ATP2C1: variants seen among roughly 807,000 people sequenced by gnomAD.
The protein encoded by ATP2C1 is calcium-transporting ATPase type 2C member 1.
Under a neutral mutation model 120.5 loss-of-function variants are expected in ATP2C1, and 31 were observed. That is an observed-to-expected ratio of 0.26 (90% CI 0.19 to 0.35). The LOEUF is 0.35. Ranked by LOEUF, ATP2C1 falls within the 10% of genes least tolerant of loss-of-function variation. The pLI is 1.00. For missense variants in ATP2C1, 731 were observed against 1,107.5 expected (o/e 0.66, Z 4.83); for synonymous variants, 351 against 358.7 (o/e 0.98, Z 0.24).
At chr3:130,964,915 C>G in intron 13 of ATP2C1, 33 bp from the exon 14 acceptor site, 1 of 1,508,674 alleles carries the variant, frequency 6.6e-7, no homozygotes, top group Non-Finnish European at 9.2e-7. Context: ...CTCCTTGATT[C>G]TTTTGGTGAC....
intron 1 of ATP2C1, among the ~76,000 whole-genome samples, chr3:130,876,125 G>T (rs1486218279): frequency 6.6e-6 from 1 of 151,818 alleles, no homozygotes; most frequent in East Asian, 1.9e-4. Context: ...GAGGCTTTTA[G>T]TTTGATATAG....
intron 1 of ATP2C1, among the ~76,000 whole-genome samples, chr3:130,884,930 C>CTTTTTTTTTTTTT (rs35931105): frequency 1.2e-4 from 14 of 120,842 alleles, no homozygotes; most frequent in African/African-American, 1.6e-4. Flanking sequence ...TCTTTTCTTT[C>CTTTTTTTTTTTTT]TTTTTTTTTT....
chr3:130,996,388 T>G (rs1459222521), intron 23 of ATP2C1: 1 of 571,938 alleles, frequency 1.7e-6, no homozygotes, highest in African/African-American at 1.9e-5. Context: ...GGTATCTTTT[T>G]CCAAAAGTAG....
At chr3:130,933,244 C>A (rs78556221) in intron 4 of ATP2C1, among the ~76,000 whole-genome samples, 1 of 143,594 alleles carries the variant, frequency 7.0e-6, no homozygotes, top group Non-Finnish European at 1.5e-5. Flanking sequence ...AAATAGTAAT[C>A]GTAATCACAA....
chr3:130,899,801 A>G (rs2069987558), intron 2 of ATP2C1, among the ~76,000 whole-genome samples: 1 of 152,202 alleles, frequency 6.6e-6, no homozygotes, highest in East Asian at 1.9e-4. Context: ...GGTCAGAAGC[A>G]TTATCTTAAG....
rs966420916 is a variant in ATP2C1, at chr3:130,894,421, G to A, written c.-181+84G>A. The A allele has an allele frequency of 1.9e-5, 24 of 1,256,014 alleles. 1 individual carries two copies. The highest frequency in any genetic ancestry group is 6.1e-5 in the African/African-American group (4 of 65,674). The allele number at this position is 1,256,014 out of a possible 1,614,324, so 77.8% of individuals were successfully genotyped here. On this transcript the variant is annotated intron_variant, in intron 1 of 27. Coordinates refer to ENST00000510168, the MANE Select transcript of ATP2C1 (RefSeq NM_001378687.1). The surrounding 1 kb of genome is among the most constrained non-coding windows in gnomAD (Gnocchi z 4.5). ...GGGGAGGTTCGGGTATCCCCTGGAT[G>A]GGGGGGCATCTCTAGGGCGCCGCCC...
chr3:130,992,456 A>G (rs191081575), intron 20 of ATP2C1, among the ~76,000 whole-genome samples: 1 of 152,342 alleles, frequency 6.6e-6, no homozygotes, highest in East Asian at 1.9e-4. Context: ...AGCAATTTAG[A>G]AGTACAGTGG....
At chr3:130,888,982 C>G (rs958592202) in intron 1 of ATP2C1, among the ~76,000 whole-genome samples, 8 of 152,172 alleles carry the variant, frequency 5.3e-5, no homozygotes, top group African/African-American at 1.9e-4. Context: ...GTGAGTTATA[C>G]ATACATTTAA....
chr3:131,000,691 G>T (rs902455318), intron 27 of ATP2C1, among the ~76,000 whole-genome samples: 1 of 152,186 alleles, frequency 6.6e-6, no homozygotes, highest in Non-Finnish European at 1.5e-5. Flanking sequence ...AATTCTGGCT[G>T]CTGCCTTTCC....
At chr3:130,953,580 T>A (rs560261227) in intron 8 of ATP2C1, among the ~76,000 whole-genome samples, 3 of 152,300 alleles carry the variant, frequency 2.0e-5, no homozygotes, top group South Asian at 2.1e-4. Flanking sequence ...TATTTTCAAT[T>A]TTAGGCTAAT....
At chr3:130,909,302 A>G (rs1031877459) in intron 2 of ATP2C1, among the ~76,000 whole-genome samples, 6 of 152,216 alleles carry the variant, frequency 3.9e-5, no homozygotes, top group African/African-American at 1.4e-4. Flanking sequence ...CATCTCTCCT[A>G]GAAACTTCCT....
intron 1 of ATP2C1, among the ~76,000 whole-genome samples, chr3:130,859,692 A>G (rs1045644354): frequency 3.3e-5 from 5 of 152,134 alleles, no homozygotes; most frequent in African/African-American, 9.6e-5. Flanking sequence ...GACAAGCCTA[A>G]GAGACACCTG....
At position 130,894,216 on chromosome 3, in the gene ATP2C1, AGGCTCC is replaced by A; in HGVS notation, c.-301_-296del. 1 of 973,448 alleles carries A rather than the reference AGGCTCC, an allele frequency of 1.0e-6. No individual in the cohort carries two copies. Among genetic ancestry groups the A allele is most frequent in the South Asian group, 4.9e-5 (1 of 20,566 alleles). The allele number at this position is 973,448 out of a possible 1,614,324, so 60.3% of individuals were successfully genotyped here. Reference sequence around the variant, plus strand: ...GCTCGCTTCTTCTCACGCCGGGAGCAGGCTCCCGCCTCGCACCGCTGCCCCGCGAGC... The same window carrying A: ...GCTCGCTTCTTCTCACGCCGGGAGCACGCCTCGCACCGCTGCCCCGCGAGC... On this transcript the variant is annotated 5_prime_UTR_variant, in exon 1 of 28. Transcript: ENST00000510168. The surrounding 1 kb of genome is among the most constrained non-coding windows in gnomAD (Gnocchi z 4.5).
rs1234334457 is a variant in ATP2C1, at chr3:130,894,714, C to G, written c.-56C>G. 9 of 1,613,976 alleles carry G rather than the reference C, an allele frequency of 5.6e-6. No individual in the cohort carries two copies. The Admixed American group carries it at 6.7e-5, about 12-fold the overall frequency. The stretch of plus-strand genomic sequence containing the variant: ...CTCTCCTCTCTATTCCCAGTGTGGC[C>G]GTGGCTGACACTAAAGACTTTGTAG... On this transcript the variant is annotated 5_prime_UTR_variant, in exon 2 of 28. Coordinates refer to ENST00000510168, the MANE Select transcript of ATP2C1 (RefSeq NM_001378687.1). This position sits in a 1 kb window ranked among gnomAD's most constrained non-coding sequence, Gnocchi z 4.5.
chr3:131,014,494 T>C, intron 26 of ATP2C1: 19 of 1,003,196 alleles, frequency 1.9e-5, no homozygotes, highest in Admixed American at 3.0e-5. Context: ...TGAGAGCTCT[T>C]ATTGCTCTAT....
At chr3:130,949,866 A>T (rs1378576729) in intron 8 of ATP2C1, among the ~76,000 whole-genome samples, 1 of 152,132 alleles carries the variant, frequency 6.6e-6, no homozygotes, top group African/African-American at 2.4e-5. Flanking sequence ...TTTTATCATG[A>T]TCAGGCAGCT....
intron 2 of ATP2C1, among the ~76,000 whole-genome samples, chr3:130,916,281 C>T (rs1201096248): frequency 6.6e-6 from 1 of 150,944 alleles, no homozygotes; most frequent in Non-Finnish European, 1.5e-5. Flanking sequence ...CCAGGCATGG[C>T]TGCATGTGCC....
chr3:130,882,666 T>G (rs1009127171), intron 1 of ATP2C1, among the ~76,000 whole-genome samples: 8 of 152,238 alleles, frequency 5.3e-5, no homozygotes, highest in Admixed American at 6.5e-5. Context: ...TTAATTGATT[T>G]GCATGTGTTG....
At chr3:130,957,592 G>C (rs955498352) in intron 11 of ATP2C1, among the ~76,000 whole-genome samples, 28 of 152,064 alleles carry the variant, frequency 1.8e-4, no homozygotes, top group Non-Finnish European at 3.5e-4. Context: ...TGTTGCTCAG[G>C]CTGAAGTGCA....
Sources: gnomAD v4.1 joint callset for allele counts (sites outside exome capture counted in the v4.1 genomes callset) on GRCh38, gnomAD v4.1.1 for gene constraint, Gnocchi (gnomAD v3.1) non-coding constraint, MANE v1.5 for transcripts, NCBI Gene and HGNC (gene_info 2026-07-23, HGNC 2026-07-21) for gene names.